NEK6: variants seen among roughly 807,000 people sequenced by gnomAD.
NEK6 encodes serine/threonine-protein kinase Nek6.
A neutral mutation model predicts 43.5 loss-of-function variants in NEK6; 27 were observed. The observed-to-expected ratio is 0.62, with a 90% CI of 0.46 to 0.86. The LOEUF is 0.86. NEK6 is among the 40% of genes least tolerant of loss of function. The pLI, the probability that NEK6 is intolerant of heterozygous loss-of-function variation, is 0.00. For synonymous variants in NEK6, 167 were observed against 164.1 expected (o/e 1.02, Z -0.14); for missense variants, 318 against 414.4 (o/e 0.77, Z 2.02).
chr9:124,321,542 C>T lies in NEK6; in HGVS notation c.378C>T (p.Asp126=), dbSNP rs779446532. 2.2e-5 allele frequency: 35 copies of T among 1,613,208 alleles called. No homozygotes were observed. The Middle Eastern group carries it at 4.9e-4, about 23-fold the overall frequency. The change falls in exon 5 of 10, where the codon GAC becomes GAT. Residue 126 remains aspartate, a synonymous_variant. Coordinates refer to ENST00000320246, the MANE Select transcript of NEK6 (RefSeq NM_014397.6). ...TGAACATTGTGCTGGAGTTGGCTGACGCAGGGGACCTCTCGCAGATGATCA... is the reference window on the plus strand; with the variant it reads ...TGAACATTGTGCTGGAGTTGGCTGATGCAGGGGACCTCTCGCAGATGATCA... ...NELNIVLELA[D]AGDLSQMIKY...
Position 124,292,749 on chromosome 9 carries a change from C to A in NEK6, c.-29-9187C>A, listed in dbSNP as rs892430185. The A allele has an allele frequency of 1.4e-5, 17 of 1,206,636 alleles. No individual in the cohort carries two copies. The African/African-American group carries it at 2.0e-4, about 14-fold the overall frequency. 74.7% of individuals were successfully genotyped at this position (1,206,636 alleles called of 1,614,324 possible). A position where few individuals can be genotyped will look rare whatever the true frequency, so the allele number is the denominator to read the frequency against. On this transcript the variant is annotated intron_variant, in intron 1 of 9. Coordinates refer to ENST00000320246, the MANE Select transcript of NEK6 (RefSeq NM_014397.6). ...CCTCCTGGCCTCAGGTGTTTCTGTA[C>A]TGAGTCAGCAACCAGTTACCCAGCC...
chr9:124,303,961 G>A (rs561222015), intron 2 of NEK6, among the ~76,000 whole-genome samples: 3 of 152,366 alleles, frequency 2.0e-5, no homozygotes, highest in South Asian at 2.1e-4. Flanking sequence ...GTGAAGAGGC[G>A]GTGGGCTGCA....
chr9:124,266,302 T>C (rs1282858234), intron 1 of NEK6, among the ~76,000 whole-genome samples: 1 of 152,208 alleles, frequency 6.6e-6, no homozygotes, highest in Non-Finnish European at 1.5e-5. Context: ...GATGCCGTGA[T>C]GTGGGTATCG....
upstream of NEK6, chr9:124,257,808 G>A (rs1830864107): frequency 2.2e-6 from 3 of 1,375,364 alleles, no homozygotes; most frequent in East Asian, 5.7e-5. Flanking sequence ...CGGCGGAGTC[G>A]AGGGGTCCAG....
At chr9:124,314,303 G>A (rs765174429) in intron 4 of NEK6, among the ~76,000 whole-genome samples, 7 of 152,106 alleles carry the variant, frequency 4.6e-5, no homozygotes, top group Non-Finnish European at 1.0e-4. Flanking sequence ...ACCCTGCCTC[G>A]CAGTGGCCTA....
chr9:124,318,465 G>C (rs958430176), intron 4 of NEK6, among the ~76,000 whole-genome samples: 4 of 152,022 alleles, frequency 2.6e-5, no homozygotes, highest in African/African-American at 9.7e-5. Flanking sequence ...TCAAACTCCT[G>C]GGCTCAAGCA....
At chr9:124,312,408 C>T (rs1833579452) in intron 2 of NEK6, 101 bp from the exon 3 acceptor site, 1 of 1,333,798 alleles carries the variant, frequency 7.5e-7, no homozygotes, top group Non-Finnish European at 1.0e-6. Context: ...GTCCCTCCTT[C>T]ACCTTAGAGG....
intron 2 of NEK6, among the ~76,000 whole-genome samples, chr9:124,312,227 GCAAA>G (rs902014370): frequency 1.3e-5 from 2 of 152,250 alleles, no homozygotes; most frequent in African/African-American, 4.8e-5. Context: ...CTCAGAGACA[GCAAA>G]CAAACAAGCA....
At chr9:124,314,441 C>T (rs1833711005) in intron 4 of NEK6, among the ~76,000 whole-genome samples, 1 of 151,798 alleles carries the variant, frequency 6.6e-6, no homozygotes, top group African/African-American at 2.4e-5. Context: ...TTCCATCTCT[C>T]CTCTCAGCCT....
intron 2 of NEK6, among the ~76,000 whole-genome samples, chr9:124,306,464 T>C (rs1252244110): frequency 1.3e-5 from 2 of 152,146 alleles, no homozygotes; most frequent in African/African-American, 4.8e-5. Flanking sequence ...TGCAGACGTC[T>C]TAGCTGAGCC....
At chr9:124,325,516 C>T (rs943890670) in intron 5 of NEK6, among the ~76,000 whole-genome samples, 1 of 152,226 alleles carries the variant, frequency 6.6e-6, no homozygotes, top group African/African-American at 2.4e-5. Context: ...AAAGCCCCTG[C>T]ACAAAAAGCT....
intron 1 of NEK6, among the ~76,000 whole-genome samples, chr9:124,259,747 G>T (rs1830954095): frequency 6.6e-6 from 1 of 152,158 alleles, no homozygotes; most frequent in African/African-American, 2.4e-5. Flanking sequence ...AAAGGCCCAG[G>T]ATTTAAAATG....
At chr9:124,335,108 C>T (rs1829220555) in intron 7 of NEK6, among the ~76,000 whole-genome samples, 1 of 152,206 alleles carries the variant, frequency 6.6e-6, no homozygotes, top group Non-Finnish European at 1.5e-5. Context: ...ACATCATTGT[C>T]CAACCTGTAG....
chr9:124,342,521 G>C (rs1258138657), intron 8 of NEK6, among the ~76,000 whole-genome samples: 3 of 152,234 alleles, frequency 2.0e-5, no homozygotes, highest in Admixed American at 2.0e-4. Context: ...GAGGCCCTAG[G>C]GGTGAGGTGC....
At chr9:124,349,778 A>G (rs1184041166) in intron 9 of NEK6, among the ~76,000 whole-genome samples, 1 of 152,184 alleles carries the variant, frequency 6.6e-6, no homozygotes, top group African/African-American at 2.4e-5. Flanking sequence ...TAAGGTTCAG[A>G]AAACAGCTGT....
chr9:124,310,250 C>T (rs567570881), intron 2 of NEK6, among the ~76,000 whole-genome samples: 2 of 152,376 alleles, frequency 1.3e-5, no homozygotes, highest in African/African-American at 4.8e-5. Flanking sequence ...GGCCCACTCA[C>T]AGGGTTGTTC....
At chr9:124,278,684 G>A (rs779580340) in intron 1 of NEK6, among the ~76,000 whole-genome samples, 11 of 152,226 alleles carry the variant, frequency 7.2e-5, no homozygotes, top group African/African-American at 9.6e-5. Context: ...GTGGGGAGAC[G>A]CATGCGTCAG....
chr9:124,347,724 A>G lies in NEK6; in HGVS notation c.733A>G (p.Ser245Gly), dbSNP rs1830014753. Residue 245 changes from serine (S) to glycine (G), a missense_variant, in exon 9 of 10, where the codon AGC becomes GGC. Ser to Gly is a moderately conservative substitution (Grantham distance 56, BLOSUM62 0). This residue lies in a region of NEK6 where 239 missense variants were observed against 344.4 expected (regional missense o/e 0.69). Transcript: ENST00000320246. ...CLLYEMAALQ[S>G]PFYGDKMNLF... ...TCCCTTGCAGATGGCAGCCCTCCAG[A>G]GCCCCTTCTATGGAGATAAGATGAA... 6.2e-7 allele frequency: 1 copy of G among 1,605,566 alleles called. No homozygotes were observed.
chr9:124,304,029 G>A (rs1230140216), intron 2 of NEK6, among the ~76,000 whole-genome samples: 1 of 152,276 alleles, frequency 6.6e-6, no homozygotes, highest in Non-Finnish European at 1.5e-5. Flanking sequence ...ACATAGTTAA[G>A]TGTAATTAGT....
Sources: allele counts gnomAD v4.1 joint callset (sites outside exome capture counted in the v4.1 genomes callset), GRCh38; gene constraint gnomAD v4.1.1; regional missense constraint gnomAD v4.1.1; transcripts MANE v1.5; gene names NCBI Gene and HGNC (gene_info 2026-07-23, HGNC 2026-07-21).